MYH11: variants seen among roughly 807,000 people sequenced by gnomAD.
The protein encoded by MYH11 is myosin heavy chain 11.
Under a neutral mutation model 246.6 loss-of-function variants are expected in MYH11, and 80 were observed. The ratio of observed to expected loss-of-function variants is 0.32; its 90% CI spans 0.27 to 0.39. The LOEUF (loss-of-function observed/expected upper bound fraction) is 0.39. MYH11 is among the 10% of genes least tolerant of loss of function. The pLI, the probability that MYH11 is intolerant of heterozygous loss-of-function variation, is 1.00. For missense variants in MYH11, 2,158 were observed against 2,546.8 expected (o/e 0.85, Z 3.29); for synonymous variants, 1,071 against 1,015.5 (o/e 1.05, Z -1.04).
chr16:15,798,393 G>C (rs2042794329), intron 4 of MYH11, among the ~76,000 whole-genome samples: 1 of 152,098 alleles, frequency 6.6e-6, no homozygotes, highest in Admixed American at 6.5e-5. Context: ...ATAAATGCTA[G>C]TTTTTTAGAA....
At chr16:15,704,776 C>A (rs566679849) in intron 40 of MYH11, among the ~76,000 whole-genome samples, 1 of 152,332 alleles carries the variant, frequency 6.6e-6, no homozygotes, top group African/African-American at 2.4e-5. Flanking sequence ...GTGGAACATA[C>A]CGCACATGGC....
At chr16:15,839,408 G>A (rs1221472550) in intron 1 of MYH11, among the ~76,000 whole-genome samples, 1 of 151,942 alleles carries the variant, frequency 6.6e-6, no homozygotes. Flanking sequence ...AGAAGGTAAT[G>A]GCGGCCGGGC....
At chr16:15,854,454 T>C (rs2044409884) in intron 1 of MYH11, among the ~76,000 whole-genome samples, 2 of 152,202 alleles carry the variant, frequency 1.3e-5, no homozygotes. Flanking sequence ...AGCTGAGCTA[T>C]CTTAAGCAAG....
chr16:15,704,214 A>G, intron 40 of MYH11, 91 bp from the exon 41 acceptor site: 6 of 1,490,490 alleles, frequency 4.0e-6, no homozygotes, highest in Non-Finnish European at 5.5e-6. Flanking sequence ...TTGTAGCTAT[A>G]GTCCTATTGC....
intron 31 of MYH11, among the ~76,000 whole-genome samples, chr16:15,723,298 T>TTGCTC (rs567765815): frequency 2.0e-4 from 30 of 152,272 alleles, no homozygotes; most frequent in Middle Eastern, 3.4e-3. Flanking sequence ...CATCTGTAAT[T>TTGCTC]TGCTCTGAAA....
At chr16:15,774,622 C>T (rs1445574126) in intron 8 of MYH11, among the ~76,000 whole-genome samples, 3 of 152,194 alleles carry the variant, frequency 2.0e-5, no homozygotes, top group African/African-American at 7.2e-5. Flanking sequence ...CAGAGTCTCA[C>T]TCTATCGCCT....
chr16:15,839,317 T>C (rs215581), intron 1 of MYH11, among the ~76,000 whole-genome samples: 124,306 of 152,198 alleles, frequency 0.82, 51,492 homozygotes, highest in African/African-American at 0.95. Context: ...GTGAAACAAA[T>C]CAGAAAGGCC....
At chr16:15,841,912 A>G (rs1249834042) in intron 1 of MYH11, among the ~76,000 whole-genome samples, 2 of 152,162 alleles carry the variant, frequency 1.3e-5, no homozygotes, top group Non-Finnish European at 2.9e-5. Context: ...TGGGCCCCAA[A>G]TCCCACAGCG....
intron 4 of MYH11, among the ~76,000 whole-genome samples, chr16:15,796,957 TCCTACCA>T (rs1337463894): frequency 6.6e-6 from 1 of 152,194 alleles, no homozygotes; most frequent in Admixed American, 6.5e-5. Flanking sequence ...AATGTGTACA[TCCTACCA>T]TGGAATATGA....
intron 11 of MYH11, among the ~76,000 whole-genome samples, chr16:15,760,058 C>G (rs1027058627): frequency 4.0e-5 from 6 of 151,796 alleles, no homozygotes; most frequent in Non-Finnish European, 5.9e-5. Flanking sequence ...GATGGCACCA[C>G]TGCACCCCCC....
intron 32 of MYH11, 87 bp from the exon 33 acceptor site, chr16:15,721,138 A>G (rs2151209363): frequency 6.9e-7 from 1 of 1,451,676 alleles, no homozygotes; most frequent in South Asian, 1.2e-5. Context: ...ACCTCAGGAG[A>G]TCAGGGAGGT....
intron 9 of MYH11, among the ~76,000 whole-genome samples, chr16:15,771,060 T>G (rs1425081701): frequency 6.6e-6 from 1 of 151,762 alleles, no homozygotes; most frequent in Non-Finnish European, 1.5e-5. Context: ...AGTGGTGTAA[T>G]CTTGGCTCAC....
intron 7 of MYH11, among the ~76,000 whole-genome samples, chr16:15,776,524 A>G (rs943690754): frequency 3.9e-5 from 6 of 152,212 alleles, no homozygotes; most frequent in African/African-American, 1.4e-4. Flanking sequence ...TAATGACACC[A>G]TCTATGATCC....
intron 4 of MYH11, among the ~76,000 whole-genome samples, chr16:15,793,945 C>CTTTTCTT (rs1249399132): frequency 2.8e-5 from 2 of 70,230 alleles, no homozygotes; most frequent in African/African-American, 1.2e-4. Context: ...CTTTTCTTTT[C>CTTTTCTT]TTTTTTTTTT....
At chr16:15,743,694 C>T (rs982479320) in intron 20 of MYH11, among the ~76,000 whole-genome samples, 1 of 152,186 alleles carries the variant, frequency 6.6e-6, no homozygotes, top group Admixed American at 6.5e-5. Context: ...TTATTGTTTA[C>T]TCCCCACCAA....
At chr16:15,847,858 T>G (rs889256219) in intron 1 of MYH11, among the ~76,000 whole-genome samples, 1 of 152,166 alleles carries the variant, frequency 6.6e-6, no homozygotes, top group Non-Finnish European at 1.5e-5. Context: ...CATGCTAGAA[T>G]GGTGTTTTCC....
chr16:15,741,687 G>T lies in MYH11; in HGVS notation c.2653-18C>A. On this transcript the variant is annotated intron_variant, in intron 21 of 40. Coordinates refer to ENST00000300036, the MANE Select transcript of MYH11 (RefSeq NM_002474.3). Reference sequence around the variant, plus strand: ...TCGGTCAGCTGCACGCAGGTGGTGGGGAGGAGGCGGGTGAGCCCCACGGGG... The same window carrying T: ...TCGGTCAGCTGCACGCAGGTGGTGGTGAGGAGGCGGGTGAGCCCCACGGGG... 6.2e-7 allele frequency: 1 copy of T among 1,613,982 alleles called. No individual in the cohort carries two copies.
chr16:15,762,646 AC>A (rs1170285764), intron 10 of MYH11, among the ~76,000 whole-genome samples: 2 of 151,820 alleles, frequency 1.3e-5, no homozygotes, highest in African/African-American at 4.8e-5. Context: ...ACCAATCAGC[AC>A]CCCCAACTCA....
chr16:15,809,365 C>G (rs1226319304), intron 3 of MYH11, among the ~76,000 whole-genome samples: 1 of 151,832 alleles, frequency 6.6e-6, no homozygotes, highest in Non-Finnish European at 1.5e-5. Flanking sequence ...GACCTCATCT[C>G]TACAAAAAAT....
Sources: gnomAD v4.1 joint callset for allele counts (sites outside exome capture counted in the v4.1 genomes callset) on GRCh38, gnomAD v4.1.1 for gene constraint, MANE v1.5 for transcripts, NCBI Gene and HGNC (gene_info 2026-07-23, HGNC 2026-07-21) for gene names.